PAWR: variants seen among roughly 807,000 people sequenced by gnomAD.
PAWR encodes the protein pro-apoptotic WT1 regulator.
A neutral mutation model predicts 32.0 loss-of-function variants in PAWR; 23 were observed. The observed-to-expected ratio is 0.72, with a 90% CI of 0.52 to 1.02. PAWR has a LOEUF of 1.02. Ranked by LOEUF, PAWR falls within the 50% of genes least tolerant of loss-of-function variation. The pLI, the probability that PAWR is intolerant of heterozygous loss-of-function variation, is 0.00. For missense variants in PAWR, 457 were observed against 437.7 expected (o/e 1.04, Z -0.39); for synonymous variants, 226 against 187.1 (o/e 1.21, Z -1.70).
chr12:79,603,150 G>A (rs895514669), intron 4 of PAWR, among the ~76,000 whole-genome samples: 2 of 152,058 alleles, frequency 1.3e-5, no homozygotes, highest in Non-Finnish European at 2.9e-5. Context: ...TGGGACTTGG[G>A]AGGCTGTGGT....
At chr12:79,645,836 G>C (rs563176584) in intron 2 of PAWR, among the ~76,000 whole-genome samples, 12 of 152,230 alleles carry the variant, frequency 7.9e-5, no homozygotes, top group African/African-American at 2.9e-4. Context: ...GCCAGCTCAC[G>C]GTGATTTGAT....
chr12:79,673,917 T>C (rs897420528), intron 2 of PAWR, among the ~76,000 whole-genome samples: 1 of 152,020 alleles, frequency 6.6e-6, no homozygotes, highest in Non-Finnish European at 1.5e-5. Context: ...CACAAAGTAA[T>C]GGAAAAACAT....
intron 4 of PAWR, among the ~76,000 whole-genome samples, chr12:79,600,449 G>C (rs1294602513): frequency 2.1e-5 from 3 of 145,552 alleles, no homozygotes; most frequent in African/African-American, 7.6e-5. Context: ...AAATTAACGA[G>C]ATTTTAAAAA....
chr12:79,675,524 T>C (rs1878121491), intron 2 of PAWR, among the ~76,000 whole-genome samples: 1 of 152,088 alleles, frequency 6.6e-6, no homozygotes, highest in Admixed American at 6.6e-5. Context: ...GAAAATGTGG[T>C]ACATAAACAC....
Position 79,588,238 on chromosome 12 carries a change from A to G in PAWR, c.*4369T>C, listed in dbSNP as rs1462846111. 6.6e-6 allele frequency: 1 copy of G among 152,014 alleles called. No individual in the cohort carries two copies. The highest frequency in any genetic ancestry group is 1.5e-5 in the Non-Finnish European group (1 of 67,854). The allele number at this position is 152,014 out of a possible 1,614,324, so 9.4% of individuals were successfully genotyped here. A position where few individuals can be genotyped will look rare whatever the true frequency, so the allele number is the denominator to read the frequency against. On this transcript the variant is annotated 3_prime_UTR_variant, in exon 7 of 7. Transcript: ENST00000328827. ...TTACCAGAGTAACTGTCGATATGTG[A>G]ACTGTAGATTAGAACAGACTTACAT...
Position 79,596,646 on chromosome 12 carries a change from G to A in PAWR, c.696C>T (p.Val232=), listed in dbSNP as rs762538549. 1.9e-6 allele frequency: 3 copies of A among 1,586,634 alleles called. No homozygotes were observed. The highest frequency in any genetic ancestry group is 4.5e-5 in the East Asian group (2 of 44,044). The change falls in exon 5 of 7, where the codon GTC becomes GTT. Residue 232 remains valine, a synonymous_variant. Transcript: ENST00000328827. Reference sequence around the variant, plus strand: ...ATCTACTTGAGACATCTTCTTCAGAGACACTGGTTGTGCTGTGGAAATATA... The same window carrying A: ...ATCTACTTGAGACATCTTCTTCAGAAACACTGGTTGTGCTGTGGAAATATA... The part of the protein sequence containing the change: ...VSGRYKSTTS[V]SEEDVSSRYS...
chr12:79,627,584 CTTTAG>C (rs1875402154), intron 2 of PAWR, among the ~76,000 whole-genome samples: 3 of 152,102 alleles, frequency 2.0e-5, no homozygotes. Context: ...TGCAGAAGCT[CTTTAG>C]TTTAATTAGA....
At chr12:79,636,161 C>T (rs1326454287) in intron 2 of PAWR, among the ~76,000 whole-genome samples, 1 of 152,074 alleles carries the variant, frequency 6.6e-6, no homozygotes, top group African/African-American at 2.4e-5. Context: ...ATTTCTATTA[C>T]TACAGCTCAA....
intron 2 of PAWR, among the ~76,000 whole-genome samples, chr12:79,667,430 A>C (rs558391054): frequency 6.6e-6 from 1 of 152,360 alleles, no homozygotes; most frequent in Non-Finnish European, 1.5e-5. Flanking sequence ...ACAAGATTAC[A>C]TTAAACAAGA....
chr12:79,626,932 C>A (rs186008415), intron 2 of PAWR, among the ~76,000 whole-genome samples: 1 of 152,068 alleles, frequency 6.6e-6, no homozygotes, highest in East Asian at 1.9e-4. Context: ...TCATTTTTTA[C>A]GGCTGCATAG....
In PAWR at chr12:79,621,277, T is replaced by C. The variant is rs1294745509; in HGVS notation, c.517-70A>G. On this transcript the variant is annotated intron_variant, in intron 2 of 6. Coordinates refer to ENST00000328827, the MANE Select transcript of PAWR (RefSeq NM_002583.4). Reference sequence around the variant, plus strand: ...ACTGTTTCGATAATATGTGAAAATATATTGATAGTATTAAAGAAATATTTG... The same window carrying C: ...ACTGTTTCGATAATATGTGAAAATACATTGATAGTATTAAAGAAATATTTG... 5.3e-6 allele frequency: 6 copies of C among 1,124,294 alleles called. 1 individual carries two copies. The highest frequency in any genetic ancestry group is 4.7e-5 in the Admixed American group (2 of 42,854). 69.6% of individuals were successfully genotyped at this position (1,124,294 alleles called of 1,614,324 possible).
chr12:79,611,689 A>T (rs969343491), intron 4 of PAWR, among the ~76,000 whole-genome samples: 4 of 152,102 alleles, frequency 2.6e-5, no homozygotes, highest in African/African-American at 9.7e-5. Flanking sequence ...AAACTTTAAG[A>T]TATTTATAAC....
chr12:79,683,355 T>G (rs1038978925), intron 2 of PAWR, among the ~76,000 whole-genome samples: 1 of 152,220 alleles, frequency 6.6e-6, no homozygotes, highest in Non-Finnish European at 1.5e-5. Context: ...AGCATTCATT[T>G]CATTTGACGG....
chr12:79,678,091 T>C (rs1361909215), intron 2 of PAWR, among the ~76,000 whole-genome samples: 1 of 152,242 alleles, frequency 6.6e-6, no homozygotes, highest in Non-Finnish European at 1.5e-5. Flanking sequence ...TTCTTTTTAA[T>C]GCATATGGAA....
At position 79,602,236 on chromosome 12, in the gene PAWR, TAG is replaced by T. The variant is rs925281487; in HGVS notation, c.684-5580_684-5579del. The stretch of plus-strand genomic sequence containing the variant: ...TAGTAGCTTTTAAATATTAATGCCT[TAG>T]TGTTTTTCAAATAAAAAGGTAAATA... On this transcript the variant is annotated intron_variant, in intron 4 of 6. Coordinates refer to ENST00000328827, the MANE Select transcript of PAWR (RefSeq NM_002583.4). Among the ~76,000 whole-genome samples the T allele has an allele frequency of 5.3e-5, 8 of 152,320 alleles. No individual in the cohort carries two copies. In the East Asian group the frequency reaches 1.5e-3, roughly 29 times the overall value.
intron 1 of PAWR, 48 bp from the exon 2 acceptor site, chr12:79,690,439 C>T (rs1292913583): frequency 3.3e-6 from 4 of 1,204,216 alleles, no homozygotes; most frequent in Non-Finnish European, 4.3e-6. Flanking sequence ...GTAAGATCCC[C>T]GCCCGACCCA....
chr12:79,675,613 C>T (rs1878126052), intron 2 of PAWR, among the ~76,000 whole-genome samples: 1 of 152,090 alleles, frequency 6.6e-6, no homozygotes, highest in African/African-American at 2.4e-5. Context: ...AGGCCATTAT[C>T]CTAAGCACAT....
At chr12:79,655,223 C>T (rs1268919953) in intron 2 of PAWR, among the ~76,000 whole-genome samples, 1 of 152,146 alleles carries the variant, frequency 6.6e-6, no homozygotes, top group South Asian at 2.1e-4. Context: ...TCAGGTGATT[C>T]GTATGCACAT....
intron 2 of PAWR, among the ~76,000 whole-genome samples, chr12:79,687,142 T>C (rs1460925295): frequency 2.0e-5 from 3 of 152,288 alleles, no homozygotes; most frequent in Non-Finnish European, 2.9e-5. Flanking sequence ...TCTTAGTAAA[T>C]TTTATCTCAT....
Sources: allele counts gnomAD v4.1 joint callset (sites outside exome capture counted in the v4.1 genomes callset), GRCh38; gene constraint gnomAD v4.1.1; transcripts MANE v1.5; gene names NCBI Gene and HGNC (gene_info 2026-07-23, HGNC 2026-07-21).